NIBAN1: variants seen among roughly 807,000 people sequenced by gnomAD.
NIBAN1 encodes protein Niban 1.
A neutral mutation model predicts 75.1 loss-of-function variants in NIBAN1; 81 were observed. The observed-to-expected ratio is 1.08, with a 90% CI of 0.90 to 1.30. NIBAN1 has a LOEUF of 1.30. Ranked by LOEUF, NIBAN1 falls within the 50% of genes most tolerant of loss-of-function variation. NIBAN1 has a pLI of 0.00. For missense variants in NIBAN1, 1,133 were observed against 1,128.1 expected, an observed-to-expected ratio of 1.00 and a Z score of -0.06; for synonymous variants, 436 against 424.8, an observed-to-expected ratio of 1.03 and a Z score of -0.32.
intron 6 of NIBAN1, among the ~76,000 whole-genome samples, chr1:184,827,346 C>T (rs569889648): frequency 6.6e-6 from 1 of 151,986 alleles, no homozygotes; most frequent in African/African-American, 2.4e-5. Flanking sequence ...CCCCACCCTG[C>T]CCTGATCGAG....
chr1:184,941,576 G>C (rs372167912), intron 1 of NIBAN1, among the ~76,000 whole-genome samples: 1 of 151,624 alleles, frequency 6.6e-6, no homozygotes, highest in African/African-American at 2.4e-5. Context: ...CTTGAGCCTG[G>C]GGGATCAAGG....
chr1:184,823,114 C>A, intron 8 of NIBAN1, 53 bp downstream of exon 8: 1 of 1,573,236 alleles, frequency 6.4e-7, no homozygotes, highest in Non-Finnish European at 8.7e-7. Context: ...TGTGGTGGAT[C>A]CCTGCATGTA....
chr1:184,942,895 A>C (rs1272837451), intron 1 of NIBAN1, among the ~76,000 whole-genome samples: 2 of 152,284 alleles, frequency 1.3e-5, no homozygotes, highest in East Asian at 3.9e-4. Context: ...AAGTGACTCG[A>C]AAATCAGGAT....
At chr1:184,915,253 G>A (rs913936020) in intron 1 of NIBAN1, among the ~76,000 whole-genome samples, 14 of 152,190 alleles carry the variant, frequency 9.2e-5, no homozygotes, top group African/African-American at 3.4e-4. Flanking sequence ...GGAAGTCAGA[G>A]AAACTGTGTT....
At chr1:184,917,202 C>CTTT (rs34437861) in intron 1 of NIBAN1, among the ~76,000 whole-genome samples, 1 of 137,504 alleles carries the variant, frequency 7.3e-6, no homozygotes, top group Non-Finnish European at 1.6e-5. Flanking sequence ...ATCTCTTCCA[C>CTTT]TTTTTTTTTT....
intron 4 of NIBAN1, among the ~76,000 whole-genome samples, chr1:184,885,044 G>A (rs1357199617): frequency 6.6e-6 from 1 of 152,008 alleles, no homozygotes; most frequent in African/African-American, 2.4e-5. Flanking sequence ...AGGATACCAG[G>A]AACACAATTT....
rs1250844744 is a variant in NIBAN1, at chr1:184,808,017, C to T, written c.1335+57G>A. 6 of 1,597,488 alleles carry T rather than the reference C, an allele frequency of 3.8e-6. No individual in the cohort carries two copies. In the African/African-American group the frequency reaches 8.0e-5, roughly 21 times the overall value. On this transcript the variant is annotated intron_variant, in intron 10 of 13. Transcript: ENST00000367511. ...AGCAGCTGGTCTCACTGGCCAGCAC[C>T]CATTTCTCTGCTCTCTCTTTACCCT...
At chr1:184,852,079 G>A (rs892373969) in intron 5 of NIBAN1, among the ~76,000 whole-genome samples, 4 of 152,080 alleles carry the variant, frequency 2.6e-5, no homozygotes, top group Admixed American at 2.0e-4. Flanking sequence ...CCCTTAGGAC[G>A]GGCAGAGCTC....
chr1:184,873,543 A>G (rs1656163145), intron 5 of NIBAN1, among the ~76,000 whole-genome samples: 1 of 152,244 alleles, frequency 6.6e-6, no homozygotes, highest in Admixed American at 6.5e-5. Flanking sequence ...GTCAATGCCA[A>G]GATGAATCTG....
At chr1:184,942,066 T>A (rs963729909) in intron 1 of NIBAN1, among the ~76,000 whole-genome samples, 1 of 152,188 alleles carries the variant, frequency 6.6e-6, no homozygotes, top group African/African-American at 2.4e-5. Context: ...TACAGTTTTT[T>A]AAAAAAACAA....
intron 5 of NIBAN1, among the ~76,000 whole-genome samples, chr1:184,869,758 T>G (rs891003441): frequency 1.3e-5 from 2 of 152,114 alleles, no homozygotes; most frequent in Non-Finnish European, 2.9e-5. Flanking sequence ...GCCAGGCTAG[T>G]CTCAAACTCC....
chr1:184,798,998 T>G (rs1194805111), intron 12 of NIBAN1, among the ~76,000 whole-genome samples: 1 of 152,158 alleles, frequency 6.6e-6, no homozygotes, highest in Non-Finnish European at 1.5e-5. Flanking sequence ...AAATTGAGAT[T>G]TTTTTTCAAT....
At chr1:184,879,333 C>T (rs1402303739) in intron 5 of NIBAN1, among the ~76,000 whole-genome samples, 1 of 152,020 alleles carries the variant, frequency 6.6e-6, no homozygotes, top group Non-Finnish European at 1.5e-5. Flanking sequence ...CCCAAAGGAG[C>T]CTAAGTAAAA....
chr1:184,947,641 C>T (rs898096781), intron 1 of NIBAN1, among the ~76,000 whole-genome samples: 1 of 152,178 alleles, frequency 6.6e-6, no homozygotes, highest in African/African-American at 2.4e-5. Context: ...CCTTCCTATA[C>T]AGACAGGAGC....
chr1:184,839,065 C>T (rs1655211796), intron 5 of NIBAN1, among the ~76,000 whole-genome samples: 3 of 152,184 alleles, frequency 2.0e-5, no homozygotes, highest in Admixed American at 1.3e-4. Flanking sequence ...TCAACACTTA[C>T]TGAGTCCCTA....
At position 184,805,739 on chromosome 1, in the gene NIBAN1, G is replaced by A. The variant is rs142920875; in HGVS notation, c.1446+207C>T. ...GCCTGTAGCTGTGGGTAATGATGCT[G>A]AGGACCAGCAGTGGCCGCTAGATGG... is the stretch of plus-strand genomic sequence containing the variant. On this transcript the variant is annotated intron_variant, in intron 11 of 13. Transcript: ENST00000367511. Among the ~76,000 whole-genome samples the A allele has an allele frequency of 1.1e-3, 162 of 152,270 alleles. 1 individual carries two copies. Among genetic ancestry groups the A allele is most frequent in the African/African-American group, 3.8e-3 (158 of 41,554 alleles).
intron 6 of NIBAN1, among the ~76,000 whole-genome samples, chr1:184,826,318 C>T (rs1654840219): frequency 6.6e-6 from 1 of 152,170 alleles, no homozygotes; most frequent in African/African-American, 2.4e-5. Context: ...AGAGATGAAT[C>T]ACCATTTTCT....
chr1:184,812,434 T>C (rs1654408705), intron 9 of NIBAN1, among the ~76,000 whole-genome samples: 1 of 152,184 alleles, frequency 6.6e-6, no homozygotes, highest in African/African-American at 2.4e-5. Context: ...CTAGAGCCAC[T>C]CAGGGAAAGG....
chr1:184,884,635 T>C lies in NIBAN1; in HGVS notation c.599A>G (p.His200Arg), dbSNP rs918459347. The C allele has an allele frequency of 4.3e-6, 7 of 1,613,792 alleles. No homozygotes were observed. In the South Asian group the frequency reaches 4.4e-5, roughly 10 times the overall value. Residue 200 changes from histidine (H) to arginine (R), a missense_variant and splice_region_variant, in exon 5 of 14, where the codon CAT (histidine) becomes CGT (arginine). By Grantham distance (29) the His-to-Arg change is conservative. Coordinates refer to ENST00000367511, the MANE Select transcript of NIBAN1 (RefSeq NM_052966.4). ...LLSDCVRHLN[H>R]DYMKQMTFEA... ...ATGAGAGGGGAGCCGCGCCATACCA[T>C]GATTGAGATGCCTGACGCAGTCACT...
Sources: allele counts gnomAD v4.1 joint callset (sites outside exome capture counted in the v4.1 genomes callset), GRCh38; gene constraint gnomAD v4.1.1; transcripts MANE v1.5; gene names NCBI Gene and HGNC (gene_info 2026-07-23, HGNC 2026-07-21).